RUNX1: variants seen among roughly 807,000 people sequenced by gnomAD.
RUNX1 encodes runt-related transcription factor 1.
RUNX1 carries 19 observed loss-of-function variants against 42.8 expected under a neutral mutation model. The observed-to-expected ratio is 0.44, with a 90% CI of 0.31 to 0.65. RUNX1 has a LOEUF of 0.65. RUNX1 is among the 30% of genes least tolerant of loss of function. The pLI, the probability that RUNX1 is intolerant of heterozygous loss-of-function variation, is 0.07. For synonymous variants in RUNX1, 271 were observed against 289.4 expected, an observed-to-expected ratio of 0.94 and a Z score of 0.64; for missense variants, 528 against 672.0, an observed-to-expected ratio of 0.79 and a Z score of 2.37.
chr21:35,043,308 A>G (rs2059373387), intron 2 of RUNX1, among the ~76,000 whole-genome samples: 1 of 152,208 alleles, frequency 6.6e-6, no homozygotes, highest in Non-Finnish European at 1.5e-5. Flanking sequence ...AAAAGGCTAA[A>G]GAAGGGGACT....
At chr21:34,807,046 A>C (rs1300162094) in intron 7 of RUNX1, among the ~76,000 whole-genome samples, 1 of 152,094 alleles carries the variant, frequency 6.6e-6, no homozygotes, top group Admixed American at 6.5e-5. Context: ...CTTCCACCTC[A>C]GGAGACTGGA....
intron 7 of RUNX1, among the ~76,000 whole-genome samples, chr21:34,800,258 G>T (rs551526629): frequency 6.6e-6 from 1 of 152,282 alleles, no homozygotes; most frequent in Admixed American, 6.5e-5. Flanking sequence ...TGACTCCAGC[G>T]TTCAAAGGAG....
At chr21:35,047,139 C>A (rs770460665) in intron 2 of RUNX1, among the ~76,000 whole-genome samples, 10 of 152,170 alleles carry the variant, frequency 6.6e-5, no homozygotes, top group Non-Finnish European at 1.0e-4. Flanking sequence ...TAAAAATTTC[C>A]TGAATCTGCC....
At chr21:34,905,871 TA>T (rs2058213899) in intron 2 of RUNX1, among the ~76,000 whole-genome samples, 2 of 151,492 alleles carry the variant, frequency 1.3e-5, no homozygotes, top group African/African-American at 4.8e-5. Flanking sequence ...AACCTAAAAA[TA>T]AAAACTTCTC....
intron 7 of RUNX1, among the ~76,000 whole-genome samples, chr21:34,809,561 T>A (rs1456475677): frequency 1.3e-5 from 2 of 151,974 alleles, no homozygotes; most frequent in African/African-American, 4.8e-5. Flanking sequence ...ATCAAGAGGA[T>A]TGTGCACGCT....
At chr21:34,821,800 C>T (rs1203153680) in intron 7 of RUNX1, 1 of 957,418 alleles carries the variant, frequency 1.0e-6, no homozygotes, top group Non-Finnish European at 1.5e-6. Context: ...GTGAAAGAAT[C>T]AAATGAGGAA....
At chr21:34,919,603 C>A (rs2058338730) in intron 2 of RUNX1, among the ~76,000 whole-genome samples, 1 of 152,120 alleles carries the variant, frequency 6.6e-6, no homozygotes, top group African/African-American at 2.4e-5. Context: ...ACCAGCAGAG[C>A]CTGACTCTTC....
chr21:34,995,250 A>G (rs1033538571), intron 2 of RUNX1, among the ~76,000 whole-genome samples: 1 of 152,138 alleles, frequency 6.6e-6, no homozygotes, highest in Non-Finnish European at 1.5e-5. Context: ...TGACCCTTTC[A>G]GCTCTGACCA....
At chr21:34,931,948 G>A (rs941148828) in intron 2 of RUNX1, among the ~76,000 whole-genome samples, 1 of 152,090 alleles carries the variant, frequency 6.6e-6, no homozygotes, top group African/African-American at 2.4e-5. Context: ...ATAGCAATAT[G>A]ACAACATCTG....
At chr21:34,902,751 C>A (rs550285322) in intron 2 of RUNX1, among the ~76,000 whole-genome samples, 3 of 152,290 alleles carry the variant, frequency 2.0e-5, no homozygotes, top group African/African-American at 7.2e-5. Context: ...TAGTTACTTA[C>A]CTTGCCCCAG....
At chr21:34,853,969 C>T (rs2146206162) in intron 6 of RUNX1, among the ~76,000 whole-genome samples, 1 of 152,226 alleles carries the variant, frequency 6.6e-6, no homozygotes, top group South Asian at 2.1e-4. Context: ...TGTACCACCA[C>T]ACCAGGCCGA....
intron 2 of RUNX1, among the ~76,000 whole-genome samples, chr21:34,988,769 T>C (rs1601640834): frequency 6.6e-6 from 1 of 152,218 alleles, no homozygotes; most frequent in Admixed American, 6.5e-5. Flanking sequence ...CCCATAATCC[T>C]GTCCTGAGTG....
intron 2 of RUNX1, among the ~76,000 whole-genome samples, chr21:34,931,355 T>C (rs1159722942): frequency 6.9e-6 from 1 of 145,892 alleles, no homozygotes; most frequent in African/African-American, 2.5e-5. Context: ...TATATACATG[T>C]GTATATATAT....
chr21:34,884,807 A>G (rs2057956632), intron 4 of RUNX1, among the ~76,000 whole-genome samples: 1 of 152,088 alleles, frequency 6.6e-6, no homozygotes, highest in African/African-American at 2.4e-5. Flanking sequence ...CTTTCCCCTA[A>G]ATGTTCTCAG....
intron 2 of RUNX1, among the ~76,000 whole-genome samples, chr21:35,005,271 A>AC (rs1408141893): frequency 1.3e-5 from 2 of 152,042 alleles, no homozygotes; most frequent in Non-Finnish European, 2.9e-5. Flanking sequence ...AAAGACCCCC[A>AC]CTGACCCCAC....
intron 4 of RUNX1, among the ~76,000 whole-genome samples, chr21:34,884,546 TG>T (rs530899772): frequency 3.0e-4 from 45 of 152,264 alleles, no homozygotes; most frequent in Admixed American, 9.8e-4. Context: ...GCTTGTGAGG[TG>T]GTTGGGTGGG....
intron 3 of RUNX1, among the ~76,000 whole-genome samples, chr21:34,890,925 C>G (rs945269996): frequency 6.6e-6 from 1 of 152,170 alleles, no homozygotes; most frequent in African/African-American, 2.4e-5. Flanking sequence ...CCCAGGGCTC[C>G]TGGGGCCACC....
intron 7 of RUNX1, among the ~76,000 whole-genome samples, chr21:34,812,085 TA>T (rs1319492266): frequency 6.6e-6 from 1 of 152,178 alleles, no homozygotes; most frequent in Non-Finnish European, 1.5e-5. Flanking sequence ...AATAAGAGGC[TA>T]AAATGTTCCC....
chr21:34,872,484 T>C (rs2057753838), intron 5 of RUNX1, among the ~76,000 whole-genome samples: 1 of 152,248 alleles, frequency 6.6e-6, no homozygotes, highest in Admixed American at 6.5e-5. Context: ...AACACTGCTG[T>C]TTTCCCTTTA....
Sources: gnomAD v4.1 joint callset for allele counts (sites outside exome capture counted in the v4.1 genomes callset) on GRCh38, gnomAD v4.1.1 for gene constraint, MANE v1.5 for transcripts, NCBI Gene and HGNC (gene_info 2026-07-23, HGNC 2026-07-21) for gene names.